Variants in PTPRD observed in about 807,000 individuals in gnomAD.
PTPRD encodes protein tyrosine phosphatase receptor type D.
In PTPRD, 34 loss-of-function variants were observed where a neutral mutation model predicts 214.5. That is an observed-to-expected ratio of 0.16 (90% CI 0.12 to 0.21). The LOEUF (loss-of-function observed/expected upper bound fraction) is 0.21. Among genes scored for constraint, PTPRD ranks in the 10% least tolerant of loss-of-function variants. PTPRD has a pLI of 1.00. For missense variants in PTPRD, 2,545 were observed against 2,398.7 expected (o/e 1.06, Z -1.27); for synonymous variants, 1,128 against 845.7 (o/e 1.33, Z -5.79).
At chr9:9,861,319 C>T (rs900627806) in intron 5 of PTPRD, among the ~76,000 whole-genome samples, 1 of 152,076 alleles carries the variant, frequency 6.6e-6, no homozygotes. Flanking sequence ...GAGACAGAGT[C>T]TTGCTCTGTC....
At chr9:8,788,213 T>C (rs998722297) in intron 11 of PTPRD, among the ~76,000 whole-genome samples, 9 of 150,610 alleles carry the variant, frequency 6.0e-5, no homozygotes, top group Middle Eastern at 3.2e-3. Context: ...ATGGCCATAA[T>C]GGAAAAACAT....
chr9:10,190,274 G>A (rs1041949710), intron 3 of PTPRD, among the ~76,000 whole-genome samples: 1 of 151,162 alleles, frequency 6.6e-6, no homozygotes, highest in South Asian at 2.1e-4. Flanking sequence ...GCTGAGACAG[G>A]ACAATTGCTT....
intron 2 of PTPRD, among the ~76,000 whole-genome samples, chr9:10,554,125 T>C (rs1238036447): frequency 6.6e-6 from 1 of 152,214 alleles, no homozygotes; most frequent in Non-Finnish European, 1.5e-5. Context: ...TTAAGAGCTT[T>C]TAATGATGAG....
chr9:10,300,878 A>G (rs994444066), intron 3 of PTPRD, among the ~76,000 whole-genome samples: 5 of 152,130 alleles, frequency 3.3e-5, no homozygotes, highest in African/African-American at 1.2e-4. Flanking sequence ...AGCTCTGAAG[A>G]GAGCCATGGC....
chr9:9,859,295 G>A (rs546313355), intron 5 of PTPRD, among the ~76,000 whole-genome samples: 1 of 152,154 alleles, frequency 6.6e-6, no homozygotes, highest in Non-Finnish European at 1.5e-5. Flanking sequence ...TTATAGTAGT[G>A]TGAAAACAGA....
intron 9 of PTPRD, among the ~76,000 whole-genome samples, chr9:9,276,511 C>T (rs957035445): frequency 5.9e-5 from 9 of 151,354 alleles, no homozygotes; most frequent in African/African-American, 1.7e-4. Context: ...GAGAGACAAC[C>T]TCTAGAGCAG....
chr9:9,747,693 CCCA>C (rs1240729212), intron 6 of PTPRD, among the ~76,000 whole-genome samples: 1 of 151,884 alleles, frequency 6.6e-6, no homozygotes, highest in Non-Finnish European at 1.5e-5. Flanking sequence ...ATTACAGGTA[CCCA>C]CCACCACACC....
intron 10 of PTPRD, among the ~76,000 whole-genome samples, chr9:9,025,655 A>G (rs774831374): frequency 1.5e-4 from 23 of 152,118 alleles, no homozygotes; most frequent in African/African-American, 1.9e-4. Context: ...TAACACTCAC[A>G]ATAATTTGGG....
chr9:8,390,804 C>T (rs971640534), intron 36 of PTPRD, among the ~76,000 whole-genome samples: 3 of 152,058 alleles, frequency 2.0e-5, no homozygotes, highest in African/African-American at 7.2e-5. Flanking sequence ...AGAAAGAATG[C>T]ATATTATAGC....
At chr9:9,720,793 C>T (rs1323432012) in intron 7 of PTPRD, among the ~76,000 whole-genome samples, 1 of 142,444 alleles carries the variant, frequency 7.0e-6, no homozygotes, top group African/African-American at 2.9e-5. Context: ...ATATATACAC[C>T]ATGGAATACT....
At chr9:9,049,881 C>T (rs931162057) in intron 10 of PTPRD, among the ~76,000 whole-genome samples, 1 of 152,162 alleles carries the variant, frequency 6.6e-6, no homozygotes, top group Non-Finnish European at 1.5e-5. Context: ...ATGAAAAAGA[C>T]CCCAACTTTG....
intron 9 of PTPRD, among the ~76,000 whole-genome samples, chr9:9,395,168 C>T (rs2067308172): frequency 6.7e-6 from 1 of 149,530 alleles, no homozygotes. Context: ...TTGATGCTGA[C>T]CCTCCCAGGA....
At chr9:8,987,910 A>G (rs2099351886) in intron 11 of PTPRD, among the ~76,000 whole-genome samples, 1 of 152,110 alleles carries the variant, frequency 6.6e-6, no homozygotes, top group South Asian at 2.1e-4. Context: ...AGTTAAAGCT[A>G]TAAGGCTGAA....
intron 2 of PTPRD, among the ~76,000 whole-genome samples, chr9:10,369,815 A>G (rs545196008): frequency 6.6e-6 from 1 of 152,106 alleles, no homozygotes; most frequent in Non-Finnish European, 1.5e-5. Flanking sequence ...GAATTTTTTA[A>G]TGAATAAAAA....
chr9:10,480,403 G>A (rs2099090069), intron 2 of PTPRD, among the ~76,000 whole-genome samples: 1 of 152,140 alleles, frequency 6.6e-6, no homozygotes, highest in Admixed American at 6.5e-5. Context: ...ACAAGGGGAA[G>A]AAAGTAAGTA....
At chr9:9,990,328 A>T (rs1421750681) in intron 4 of PTPRD, among the ~76,000 whole-genome samples, 1 of 152,196 alleles carries the variant, frequency 6.6e-6, no homozygotes, top group Non-Finnish European at 1.5e-5. Flanking sequence ...ACTGAAATGT[A>T]ACTAAGTACA....
intron 3 of PTPRD, among the ~76,000 whole-genome samples, chr9:10,176,520 C>A (rs988278009): frequency 5.3e-5 from 8 of 151,930 alleles, no homozygotes; most frequent in Non-Finnish European, 7.4e-5. Flanking sequence ...AGGATCCATG[C>A]AGGCAGAGAT....
intron 2 of PTPRD, among the ~76,000 whole-genome samples, chr9:10,482,266 G>C (rs1216312670): frequency 1.3e-5 from 2 of 151,978 alleles, no homozygotes; most frequent in African/African-American, 2.4e-5. Flanking sequence ...AGCTACTGAG[G>C]AGGCTGAGGC....
At chr9:8,597,504 A>G (rs1480681425) in intron 14 of PTPRD, among the ~76,000 whole-genome samples, 1 of 126,070 alleles carries the variant, frequency 7.9e-6, no homozygotes. Flanking sequence ...CAAAAATATC[A>G]AAATAAAACA....
Sources: allele counts gnomAD v4.1 joint callset (sites outside exome capture counted in the v4.1 genomes callset), GRCh38; gene constraint gnomAD v4.1.1; transcripts MANE v1.5; gene names NCBI Gene and HGNC (gene_info 2026-07-23, HGNC 2026-07-21).